The following CSMD1 variants were observed in gnomAD, a reference collection of about 807,000 sequenced individuals.
The protein encoded by CSMD1 is CUB and sushi domain-containing protein 1.
In CSMD1, 213 loss-of-function variants were observed where a neutral mutation model predicts 417.5. The ratio of observed to expected loss-of-function variants is 0.51; its 90% CI spans 0.46 to 0.57. The LOEUF is 0.57. CSMD1 is among the 20% of genes least tolerant of loss of function. The pLI is 0.00. For synonymous variants in CSMD1, 2,862 were observed against 1,736.8 expected (o/e 1.65, Z -16.11); for missense variants, 6,923 against 4,529.7 (o/e 1.53, Z -15.17).
intron 3 of CSMD1, among the ~76,000 whole-genome samples, chr8:4,217,640 A>G (rs945846490): frequency 6.8e-6 from 1 of 146,142 alleles, no homozygotes; most frequent in Non-Finnish European, 1.5e-5. Flanking sequence ...GAAAAAGTTG[A>G]CTCAGTTGAC....
chr8:4,658,885 G>A (rs1424069351), intron 1 of CSMD1, among the ~76,000 whole-genome samples: 3 of 152,084 alleles, frequency 2.0e-5, no homozygotes, highest in African/African-American at 7.2e-5. Context: ...CTATATAGGA[G>A]CACAACTTTT....
Position 3,155,330 on chromosome 8 carries a change from T to A in CSMD1, c.5914+2567A>T, listed in dbSNP as rs555513643. On this transcript the variant is annotated intron_variant, in intron 39 of 69. Transcript: ENST00000635120. Reference sequence around the variant, plus strand: ...TAATTGTTTCGTTTTTTAAATTTTTTAATTTTTTCCTTCCAAATCAAGGCT... The same window carrying A: ...TAATTGTTTCGTTTTTTAAATTTTTAAATTTTTTCCTTCCAAATCAAGGCT... Among the ~76,000 whole-genome samples, 488 of 148,492 alleles carry A rather than the reference T, an allele frequency of 3.3e-3. 4 individuals are homozygous for A. The highest frequency in any genetic ancestry group is 0.011 in the African/African-American group (470 of 40,908).
At chr8:4,388,303 TACACACACACACACACAGACACACACAC>T (rs1803605711) in intron 3 of CSMD1, among the ~76,000 whole-genome samples, 1 of 117,136 alleles carries the variant, frequency 8.5e-6, no homozygotes, top group African/African-American at 3.8e-5. Flanking sequence ...GAAACTGTGA[TACACACACACACACACAGACACACACAC>T]ACACACACAC....
chr8:4,281,358 A>T (rs896071502), intron 3 of CSMD1, among the ~76,000 whole-genome samples: 2 of 152,220 alleles, frequency 1.3e-5, no homozygotes, highest in African/African-American at 4.8e-5. Flanking sequence ...AGATGACGGC[A>T]TAAGGTCTTT....
intron 52 of CSMD1, among the ~76,000 whole-genome samples, chr8:3,005,032 G>A (rs1026864755): frequency 3.3e-5 from 5 of 152,128 alleles, no homozygotes; most frequent in East Asian, 1.9e-4. Context: ...CCAGCTGCTC[G>A]GGAGGCTGAG....
intron 1 of CSMD1, among the ~76,000 whole-genome samples, chr8:4,793,712 C>T (rs1797819225): frequency 6.6e-6 from 1 of 151,868 alleles, no homozygotes; most frequent in Non-Finnish European, 1.5e-5. Flanking sequence ...GAGGCCAAAT[C>T]TTCTTTTACA....
chr8:3,408,382 T>C (rs1033480826), intron 13 of CSMD1, among the ~76,000 whole-genome samples, 157 bp from the exon 14 acceptor site: 6 of 152,230 alleles, frequency 3.9e-5, no homozygotes, highest in African/African-American at 1.4e-4. Context: ...CCATAATGTT[T>C]TCTCCTTTCC....
intron 3 of CSMD1, among the ~76,000 whole-genome samples, chr8:4,373,092 C>A (rs7843687): frequency 0.24 from 36,674 of 152,008 alleles, 4,662 homozygotes; most frequent in African/African-American, 0.3. Flanking sequence ...TGGTCTGTCT[C>A]CCAAAACCCC....
At chr8:4,831,073 A>C (rs1479060473) in intron 1 of CSMD1, among the ~76,000 whole-genome samples, 4 of 152,218 alleles carry the variant, frequency 2.6e-5, no homozygotes, top group African/African-American at 4.8e-5. Flanking sequence ...ATGCGAACTC[A>C]AAGTGGGAGG....
At chr8:4,744,196 C>T (rs1400365862) in intron 1 of CSMD1, among the ~76,000 whole-genome samples, 1 of 152,040 alleles carries the variant, frequency 6.6e-6, no homozygotes, top group African/African-American at 2.4e-5. Context: ...CAGGGACTGA[C>T]TGACGGTCAC....
At chr8:3,649,218 T>C (rs928006468) in intron 7 of CSMD1, among the ~76,000 whole-genome samples, 4 of 152,318 alleles carry the variant, frequency 2.6e-5, no homozygotes, top group African/African-American at 9.6e-5. Context: ...TCTTCCGATA[T>C]TTTCCCTGCT....
chr8:3,468,417 T>C (rs902297578), intron 12 of CSMD1, among the ~76,000 whole-genome samples: 2 of 152,186 alleles, frequency 1.3e-5, no homozygotes, highest in Non-Finnish European at 1.5e-5. Context: ...CAATATGATA[T>C]GGTCAAAAGA....
At chr8:4,254,158 C>A (rs1269480886) in intron 3 of CSMD1, among the ~76,000 whole-genome samples, 2 of 151,950 alleles carry the variant, frequency 1.3e-5, no homozygotes, top group African/African-American at 4.8e-5. Context: ...ACCTGGTGAT[C>A]CACCCGCCTT....
At chr8:4,273,100 C>G (rs1014091251) in intron 3 of CSMD1, among the ~76,000 whole-genome samples, 1 of 151,986 alleles carries the variant, frequency 6.6e-6, no homozygotes, top group South Asian at 2.1e-4. Flanking sequence ...AAAATATAAA[C>G]AAATGAAAGC....
intron 2 of CSMD1, among the ~76,000 whole-genome samples, chr8:4,508,101 A>AC (rs1170660973): frequency 1.3e-5 from 2 of 150,068 alleles, no homozygotes; most frequent in Admixed American, 1.3e-4. Flanking sequence ...AAAAAAAAAA[A>AC]AACCCCAAAA....
chr8:3,291,942 C>A (rs1301729633), intron 25 of CSMD1, among the ~76,000 whole-genome samples: 2 of 151,780 alleles, frequency 1.3e-5, no homozygotes, highest in Non-Finnish European at 2.9e-5. Context: ...TAGATCTTTC[C>A]TGCTTTCTCT....
intron 6 of CSMD1, among the ~76,000 whole-genome samples, chr8:3,711,249 G>A (rs1276382869): frequency 6.6e-6 from 1 of 152,170 alleles, no homozygotes; most frequent in African/African-American, 2.4e-5. Context: ...GTGGTTACAT[G>A]GCTGGAAAAA....
intron 6 of CSMD1, among the ~76,000 whole-genome samples, chr8:3,710,158 T>G (rs1417343086): frequency 6.6e-6 from 1 of 152,064 alleles, no homozygotes; most frequent in Non-Finnish European, 1.5e-5. Context: ...GCTATAAGAG[T>G]TGTCTGCAAG....
intron 3 of CSMD1, among the ~76,000 whole-genome samples, chr8:4,416,179 T>G (rs895857334): frequency 6.6e-6 from 1 of 152,324 alleles, no homozygotes; most frequent in South Asian, 2.1e-4. Flanking sequence ...AGTTAATAAA[T>G]ACCGGAGTCA....
Sources: allele counts gnomAD v4.1 joint callset (sites outside exome capture counted in the v4.1 genomes callset), GRCh38; gene constraint gnomAD v4.1.1; transcripts MANE v1.5; gene names NCBI Gene and HGNC (gene_info 2026-07-23, HGNC 2026-07-21).